NT5DC1: variants seen among roughly 807,000 people sequenced by gnomAD.
NT5DC1 encodes the protein 5'-nucleotidase domain-containing protein 1.
NT5DC1 carries 42 observed loss-of-function variants against 59.4 expected under a neutral mutation model. The ratio of observed to expected loss-of-function variants is 0.71; its 90% CI spans 0.55 to 0.92. NT5DC1 has a LOEUF of 0.92. Among genes scored for constraint, NT5DC1 ranks in the 40% least tolerant of loss-of-function variants. The pLI, the probability that NT5DC1 is intolerant of heterozygous loss-of-function variation, is 0.00. For synonymous variants in NT5DC1, 172 were observed against 188.1 expected, an observed-to-expected ratio of 0.91 and a Z score of 0.70; for missense variants, 501 against 537.1, an observed-to-expected ratio of 0.93 and a Z score of 0.66.
chr6:116,135,413 C>A (rs1779565627), intron 6 of NT5DC1, among the ~76,000 whole-genome samples: 2 of 151,604 alleles, frequency 1.3e-5, no homozygotes, highest in Admixed American at 1.3e-4. Flanking sequence ...CCATAACCGC[C>A]CCCCCCACCT....
At chr6:116,231,971 C>T (rs531608375) in intron 8 of NT5DC1, among the ~76,000 whole-genome samples, 64 of 152,250 alleles carry the variant, frequency 4.2e-4, no homozygotes, top group Non-Finnish European at 7.9e-4. Context: ...AACTAGATAG[C>T]TTGAACGATG....
intron 2 of NT5DC1, among the ~76,000 whole-genome samples, chr6:116,107,642 G>T (rs578031464): frequency 6.6e-6 from 1 of 150,882 alleles, no homozygotes; most frequent in Non-Finnish European, 1.5e-5. Flanking sequence ...GCGCGATCTC[G>T]GCTCACTGCA....
chr6:116,241,922 C>CA (rs772261524), intron 11 of NT5DC1, among the ~76,000 whole-genome samples: 89 of 10,314 alleles, frequency 8.6e-3, no homozygotes, highest in Admixed American at 0.013. Flanking sequence ...GACTCCGTCT[C>CA]AAAAAAAAAA....
At chr6:116,216,308 A>G (rs1781686363) in intron 6 of NT5DC1, among the ~76,000 whole-genome samples, 3 of 151,966 alleles carry the variant, frequency 2.0e-5, no homozygotes, top group Admixed American at 2.0e-4. Context: ...AATAGTAAGA[A>G]TTCTGGTTTT....
intron 6 of NT5DC1, among the ~76,000 whole-genome samples, chr6:116,152,326 A>C (rs963859030): frequency 6.6e-6 from 1 of 152,332 alleles, no homozygotes; most frequent in South Asian, 2.1e-4. Context: ...AACTTATCGT[A>C]CCATTTAACT....
intron 6 of NT5DC1, among the ~76,000 whole-genome samples, chr6:116,176,182 G>C (rs1288952335): frequency 1.3e-4 from 20 of 152,168 alleles, no homozygotes; most frequent in Admixed American, 1.3e-3. Context: ...TCTAGTGCTA[G>C]AGTGTTGTTG....
chr6:116,248,495 CGTTGA>C lies in NT5DC1; in HGVS notation c.*4475_*4479del, dbSNP rs1263539024. The C allele has an allele frequency of 6.6e-6, 1 of 152,116 alleles. No homozygotes were observed. Among genetic ancestry groups the C allele is most frequent in the Non-Finnish European group, 1.5e-5 (1 of 68,046 alleles). 9.4% of individuals were successfully genotyped at this position (152,116 alleles called of 1,614,324 possible). A position where few individuals can be genotyped will look rare whatever the true frequency, so the allele number is the denominator to read the frequency against. ...TGTTAATGATGAAAACATTTAAGGA[CGTTGA>C]GTTAACTGGAGATAAAGCAGCAGCA... On this transcript the variant is annotated 3_prime_UTR_variant, in exon 12 of 12. Transcript: ENST00000319550.
intron 6 of NT5DC1, among the ~76,000 whole-genome samples, chr6:116,196,997 G>A (rs1373474752): frequency 1.3e-5 from 2 of 151,282 alleles, no homozygotes; most frequent in Non-Finnish European, 2.9e-5. Flanking sequence ...TTCATTTCTG[G>A]CAGACCTGGT....
intron 6 of NT5DC1, among the ~76,000 whole-genome samples, chr6:116,148,937 GC>G (rs1247643927): frequency 6.6e-6 from 1 of 152,106 alleles, no homozygotes; most frequent in Non-Finnish European, 1.5e-5. Flanking sequence ...ATTCCAAGAA[GC>G]CAGTCTTTTG....
At position 116,245,563 on chromosome 6, in the gene NT5DC1, T is replaced by C. The variant is rs1771831796; in HGVS notation, c.*1539T>C. 6.6e-6 allele frequency: 1 copy of C among 152,414 alleles called. No homozygotes were observed. The highest frequency in any genetic ancestry group is 2.4e-5 in the African/African-American group (1 of 41,438). 9.4% of individuals were successfully genotyped at this position (152,414 alleles called of 1,614,324 possible). On this transcript the variant is annotated 3_prime_UTR_variant, in exon 12 of 12. Transcript: ENST00000319550. ...TATGGTGATATACTTGAAATTTATG[T>C]CCAGAATGTCACTGGAATATTACAA...
At chr6:116,141,884 A>AC (rs1562135650) in intron 6 of NT5DC1, among the ~76,000 whole-genome samples, 1 of 118,980 alleles carries the variant, frequency 8.4e-6, no homozygotes, top group African/African-American at 3.6e-5. Context: ...GCCAAAAAGA[A>AC]AACACACACA....
At chr6:116,229,451 G>C (rs182283644) in intron 8 of NT5DC1, among the ~76,000 whole-genome samples, 3 of 152,308 alleles carry the variant, frequency 2.0e-5, no homozygotes, top group Admixed American at 2.0e-4. Context: ...TGACGTCAGC[G>C]GTTGTCATGG....
At chr6:116,170,149 T>TA (rs1457023918) in intron 6 of NT5DC1, among the ~76,000 whole-genome samples, 1 of 152,088 alleles carries the variant, frequency 6.6e-6, no homozygotes, top group Admixed American at 6.5e-5. Context: ...GCCAGTGTCT[T>TA]TATATATAAA....
chr6:116,138,679 A>G (rs906609468), intron 6 of NT5DC1, among the ~76,000 whole-genome samples: 2 of 152,154 alleles, frequency 1.3e-5, no homozygotes, highest in African/African-American at 2.4e-5. Context: ...AAAACTTCTC[A>G]ATATTTTGGG....
intron 4 of NT5DC1, among the ~76,000 whole-genome samples, chr6:116,114,537 G>A (rs890317050): frequency 2.3e-5 from 1 of 43,264 alleles, no homozygotes; most frequent in Non-Finnish European, 4.9e-5. Flanking sequence ...ATTGGGGGGA[G>A]GGGGGGGGAG....
rs141152081 is a variant in NT5DC1 at position 116,135,557 on chromosome 6, C to A, written c.529+17612C>A. Among the ~76,000 whole-genome samples, 318 of 151,616 alleles carry A rather than the reference C, an allele frequency of 2.1e-3. 1 individual carries two copies. The highest frequency in any genetic ancestry group is 7.2e-3 in the African/African-American group (297 of 41,366). On this transcript the variant is annotated intron_variant, in intron 6 of 11. Transcript: ENST00000319550. ...TAAAATCTTAGGTAATATTCCATTT[C>A]ATTACTTGATGAACAATATAACTTC...
intron 1 of NT5DC1, among the ~76,000 whole-genome samples, chr6:116,101,507 A>G (rs1278413230): frequency 3.9e-5 from 6 of 152,298 alleles, no homozygotes; most frequent in Admixed American, 2.6e-4. Context: ...TTAAACTGCA[A>G]TCTGGGAGAG....
Position 116,120,277 on chromosome 6 carries a change from G to A in NT5DC1, c.529+2332G>A, listed in dbSNP as rs765523908. 6.8e-6 allele frequency: 11 copies of A among 1,614,032 alleles called. No homozygotes were observed. Among genetic ancestry groups the A allele is most frequent in the Non-Finnish European group, 8.5e-6 (10 of 1,180,028 alleles). On this transcript the variant is annotated intron_variant, in intron 6 of 11. Coordinates refer to ENST00000319550, the MANE Select transcript of NT5DC1 (RefSeq NM_152729.3). The stretch of plus-strand genomic sequence containing the variant: ...TTACAGGGGTGCCATTCTTATACAG[G>A]CCTACCCAAACATGAGTCCCTTTCA...
intron 6 of NT5DC1, among the ~76,000 whole-genome samples, chr6:116,157,994 C>T (rs1049623968): frequency 6.6e-6 from 1 of 152,194 alleles, no homozygotes; most frequent in African/African-American, 2.4e-5. Context: ...CTTCCCTTTC[C>T]AGTTTTTTCC....
Sources: allele counts gnomAD v4.1 joint callset (sites outside exome capture counted in the v4.1 genomes callset), GRCh38; gene constraint gnomAD v4.1.1; transcripts MANE v1.5; gene names NCBI Gene and HGNC (gene_info 2026-07-23, HGNC 2026-07-21).